MED25: variants seen among roughly 807,000 people sequenced by gnomAD.
The protein encoded by MED25 is mediator complex subunit 25, also known as mediator of RNA polymerase II transcription subunit 25.
MED25 carries 62 observed loss-of-function variants against 89.4 expected under a neutral mutation model. That is an observed-to-expected ratio of 0.69 (90% CI 0.57 to 0.86). MED25 has a LOEUF of 0.86. Ranked by LOEUF, MED25 falls within the 40% of genes least tolerant of loss-of-function variation. The probability of loss-of-function intolerance (pLI) is 0.00; values close to 1 mark genes in which losing one functional copy is unlikely to be tolerated. For missense variants in MED25, 905 were observed against 1,005.2 expected (o/e 0.90, Z 1.35); for synonymous variants, 449 against 427.9 (o/e 1.05, Z -0.61).
intron 3 of MED25, among the ~76,000 whole-genome samples, chr19:49,824,581 T>C (rs1267592671): frequency 7.1e-6 from 1 of 140,316 alleles, no homozygotes; most frequent in Non-Finnish European, 1.5e-5. Context: ...CGAGACCCTG[T>C]CTCGGGAAAA....
chr19:49,820,207 G>A (rs928463473), intron 3 of MED25, among the ~76,000 whole-genome samples: 1 of 152,154 alleles, frequency 6.6e-6, no homozygotes, highest in Non-Finnish European at 1.5e-5. Context: ...GGCCCAAGCC[G>A]ACTCACGTCC....
At chr19:49,839,288 C>T (rs371791262), downstream of MED25, 31 of 167,440 alleles carry the variant, frequency 1.9e-4, 1 homozygote, top group South Asian at 4.2e-3. Flanking sequence ...CTACAGACAG[C>T]GTCATGACAG....
intron 3 of MED25, among the ~76,000 whole-genome samples, chr19:49,827,406 G>A (rs1306015130): frequency 6.6e-6 from 1 of 152,186 alleles, no homozygotes; most frequent in Non-Finnish European, 1.5e-5. Flanking sequence ...GAGGCTGGAA[G>A]TCCAAAATCC....
At chr19:49,832,693 A>G (rs2074067372) in intron 13 of MED25, among the ~76,000 whole-genome samples, 1 of 152,070 alleles carries the variant, frequency 6.6e-6, no homozygotes, top group South Asian at 2.1e-4. Flanking sequence ...GCTTTATGGG[A>G]TGTGTTCATT....
chr19:49,818,835 A>G, intron 2 of MED25: 1 of 595,154 alleles, frequency 1.7e-6, no homozygotes, highest in Middle Eastern at 4.5e-4. Flanking sequence ...CCGAGGGAGG[A>G]GGGAGCTAGG....
At chr19:49,827,192 C>T (rs1056082646) in intron 3 of MED25, among the ~76,000 whole-genome samples, 1 of 152,184 alleles carries the variant, frequency 6.6e-6, no homozygotes, top group Non-Finnish European at 1.5e-5. Context: ...CTCACGACCA[C>T]GTGACCGGAA....
At chr19:49,819,115 C>T in intron 2 of MED25, 57 bp from the exon 3 acceptor site, 1 of 1,609,108 alleles carries the variant, frequency 6.2e-7, no homozygotes. Context: ...GATTCCTTCT[C>T]TAAGGGAAAA....
At chr19:49,818,533 C>A in intron 1 of MED25, 38 bp from the exon 2 acceptor site, 3 of 1,614,228 alleles carry the variant, frequency 1.9e-6, no homozygotes, top group Non-Finnish European at 2.5e-6. Context: ...CGCACAGTTT[C>A]TTGCCTGACT....
At position 49,818,995 on chromosome 19, in the gene MED25, C is replaced by T. The variant is rs2073961656; in HGVS notation, c.181-177C>T. The stretch of plus-strand genomic sequence containing the variant: ...GTCTGAGGGAGGAGGGGCCGGGGGC[C>T]TGGATTCCTGGGTCTGAGGGAGAAG... On this transcript the variant is annotated intron_variant, in intron 2 of 17. Coordinates refer to ENST00000312865, the MANE Select transcript of MED25 (RefSeq NM_030973.4). 1.0e-5 allele frequency: 8 copies of T among 781,570 alleles called. No homozygotes were observed. In the South Asian group the frequency reaches 1.3e-4, roughly 12 times the overall value. The allele number at this position is 781,570 out of a possible 1,614,324, so 48.4% of individuals were successfully genotyped here. A position where few individuals can be genotyped will look rare whatever the true frequency, so the allele number is the denominator to read the frequency against.
At position 49,831,737 on chromosome 19, in the gene MED25, G is replaced by A. The variant is rs2074059049; in HGVS notation, c.1231-199G>A. On this transcript the variant is annotated intron_variant, in intron 10 of 17. Coordinates refer to ENST00000312865, the MANE Select transcript of MED25 (RefSeq NM_030973.4). This position sits in a 1 kb window ranked among gnomAD's most constrained non-coding sequence, Gnocchi z 5.0. ...ATGTATCATCTGGGGCACAGTGGAT[G>A]GTGGGATTTAGGGGCCGGGCACGTA... Among the ~76,000 whole-genome samples, 1 of 152,066 alleles carries A rather than the reference G, an allele frequency of 6.6e-6. No individual in the cohort carries two copies. Among genetic ancestry groups the A allele is most frequent in the African/African-American group, 2.4e-5 (1 of 41,404 alleles).
Position 49,832,006 on chromosome 19 carries a change from A to G in MED25, c.1301A>G (p.Asn434Ser), listed in dbSNP as rs2074060927. 5 of 1,613,982 alleles carry G rather than the reference A, an allele frequency of 3.1e-6. No homozygotes were observed. In the East Asian group the frequency reaches 1.1e-4, roughly 36 times the overall value. The stretch of plus-strand genomic sequence containing the variant: ...TCACTGCCCTGCCAGGTCTACGTGA[A>G]TCATGGCGAGAACCTGTAGGTGACA... ...TRSLPCQVYV[N>S]HGENLKTEQW... The change falls in exon 11 of 18, where the codon AAT becomes AGT. Residue 434 changes from asparagine (N) to serine (S), a missense_variant. Physicochemically the swap from Asn to Ser is conservative, Grantham distance 46. Around this residue, in one of 3 missense-constraint regions of MED25, gnomAD observed 133 missense variants for 220.2 expected, o/e 0.60. Transcript: ENST00000312865.
At position 49,831,979 on chromosome 19, in the gene MED25, G is replaced by A. The variant is rs2123882153; in HGVS notation, c.1274G>A (p.Arg425Gln). Residue 425 changes from arginine to glutamine, a missense_variant, in exon 11 of 18, where the codon CGG becomes CAG. Coordinates refer to ENST00000312865, the MANE Select transcript of MED25 (RefSeq NM_030973.4). This position sits in a 1 kb window ranked among gnomAD's most constrained non-coding sequence, Gnocchi z 5.0. ...ASVDANTKLTRSLPCQVYVNH... is the reference protein window; with the variant it reads ...ASVDANTKLTQSLPCQVYVNH... ...GTGGATGCCAACACCAAGCTGACGCGGTCACTGCCCTGCCAGGTCTACGTG... is the reference window on the plus strand; with the variant it reads ...GTGGATGCCAACACCAAGCTGACGCAGTCACTGCCCTGCCAGGTCTACGTG... 3 of 1,614,096 alleles carry A rather than the reference G, an allele frequency of 1.9e-6. No individual in the cohort carries two copies. The highest frequency in any genetic ancestry group is 1.7e-6 in the Non-Finnish European group (2 of 1,180,018).
At position 49,831,600 on chromosome 19, in the gene MED25, G is replaced by A. The variant is rs1014919088; in HGVS notation, c.1230+139G>A. On this transcript the variant is annotated intron_variant, in intron 10 of 17. Transcript: ENST00000312865. The surrounding 1 kb of genome is among the most constrained non-coding windows in gnomAD (Gnocchi z 5.0). ...TCGTTGCGCTGGACCTGTGGGATGC[G>A]GGGCGAGGCCAGGAGCCCCATGGAG... 13 of 1,154,362 alleles carry A rather than the reference G, an allele frequency of 1.1e-5. No homozygotes were observed. The highest frequency in any genetic ancestry group is 6.3e-5 in the South Asian group (4 of 63,864). The allele number at this position is 1,154,362 out of a possible 1,614,324, so 71.5% of individuals were successfully genotyped here.
At chr19:49,820,935 G>A (rs573411507) in intron 3 of MED25, among the ~76,000 whole-genome samples, 60 of 152,340 alleles carry the variant, frequency 3.9e-4, no homozygotes, top group African/African-American at 1.4e-3. Flanking sequence ...GATAGTACTT[G>A]TATTAGTATT....
Position 49,829,099 on chromosome 19 carries a change from T to A in MED25, c.525+9T>A. On this transcript the variant is annotated intron_variant, in intron 5 of 17. Coordinates refer to ENST00000312865, the MANE Select transcript of MED25 (RefSeq NM_030973.4). This position sits in a 1 kb window ranked among gnomAD's most constrained non-coding sequence, Gnocchi z 4.6. ...TGCAGCAGATTGGGGAGGTGAGGAC[T>A]CCAGGGTCTGAGGGACGAGGGTCTG... 1.9e-6 allele frequency: 3 copies of A among 1,612,818 alleles called. No homozygotes were observed. The highest frequency in any genetic ancestry group is 1.7e-6 in the Non-Finnish European group (2 of 1,179,364).
At chr19:49,823,215 A>G (rs963055517) in intron 3 of MED25, among the ~76,000 whole-genome samples, 1 of 152,038 alleles carries the variant, frequency 6.6e-6, no homozygotes, top group African/African-American at 2.4e-5. Flanking sequence ...TGACCTCCCT[A>G]AGTGCTGGAG....
chr19:49,829,931 G>A lies in MED25; in HGVS notation c.671G>A (p.Arg224Gln), dbSNP rs748835062. ...SQDPRHMVLV[R>Q]GLVLPVGGGS... Reference sequence around the variant, plus strand: ...GACCCGAGGCACATGGTGCTGGTTCGGGGACTCGTGCTGCCTGGTGAGGCC... The same window carrying A: ...GACCCGAGGCACATGGTGCTGGTTCAGGGACTCGTGCTGCCTGGTGAGGCC... The change falls in exon 6 of 18, where the codon CGG becomes CAG. Residue 224 changes from arginine (R) to glutamine (Q), a missense_variant. This residue lies in a region of MED25 where 501 missense variants were observed against 526.9 expected (regional missense o/e 0.95). Coordinates refer to ENST00000312865, the MANE Select transcript of MED25 (RefSeq NM_030973.4). This position sits in a 1 kb window ranked among gnomAD's most constrained non-coding sequence, Gnocchi z 4.6. 12 of 1,612,156 alleles carry A rather than the reference G, an allele frequency of 7.4e-6. No homozygotes were observed. In the South Asian group the frequency reaches 7.7e-5, roughly 10 times the overall value.
In MED25 at chr19:49,829,144, C is replaced by A; in HGVS notation, c.525+54C>A. 1.3e-6 allele frequency: 2 copies of A among 1,536,178 alleles called. No individual in the cohort carries two copies. The highest frequency in any genetic ancestry group is 1.1e-5 in the South Asian group (1 of 87,136). On this transcript the variant is annotated intron_variant, in intron 5 of 17. Coordinates refer to ENST00000312865, the MANE Select transcript of MED25 (RefSeq NM_030973.4). The surrounding 1 kb of genome is among the most constrained non-coding windows in gnomAD (Gnocchi z 4.6). The stretch of plus-strand genomic sequence containing the variant: ...GGTCTGGGGGCCCGGAGTCTTGGGT[C>A]TGAGGCAGGAGGCACTGAGGGCCTG...
At chr19:49,821,655 G>A (rs1198173626) in intron 3 of MED25, among the ~76,000 whole-genome samples, 1 of 151,460 alleles carries the variant, frequency 6.6e-6, no homozygotes, top group Non-Finnish European at 1.5e-5. Context: ...CTGGAGTGCT[G>A]AAATTACAGG....
Sources: gnomAD v4.1 joint callset for allele counts (sites outside exome capture counted in the v4.1 genomes callset) on GRCh38, gnomAD v4.1.1 for gene constraint, gnomAD v4.1.1 regional missense constraint, Gnocchi (gnomAD v3.1) non-coding constraint, MANE v1.5 for transcripts, NCBI Gene and HGNC (gene_info 2026-07-23, HGNC 2026-07-21) for gene names.